FARS2: variants seen among roughly 807,000 people sequenced by gnomAD.
The protein encoded by FARS2 is phenylalanyl-tRNA synthetase 2, mitochondrial.
FARS2 carries 40 observed loss-of-function variants against 46.4 expected under a neutral mutation model. The observed-to-expected ratio is 0.86, with a 90% CI of 0.67 to 1.12. The LOEUF (loss-of-function observed/expected upper bound fraction) is 1.12. Ranked by LOEUF, FARS2 falls within the 50% of genes most tolerant of loss-of-function variation. The probability of loss-of-function intolerance (pLI) is 0.00; values close to 1 mark genes in which losing one functional copy is unlikely to be tolerated. For missense variants in FARS2, 513 were observed against 567.9 expected, an observed-to-expected ratio of 0.90 and a Z score of 0.98; for synonymous variants, 234 against 214.9, an observed-to-expected ratio of 1.09 and a Z score of -0.78.
intron 2 of FARS2, among the ~76,000 whole-genome samples, chr6:5,403,338 G>C (rs1471475307): frequency 6.6e-6 from 1 of 152,004 alleles, no homozygotes; most frequent in Non-Finnish European, 1.5e-5. Flanking sequence ...ATCCTCATCA[G>C]GGGGATGAGT....
chr6:5,492,852 C>T (rs1231719202), intron 4 of FARS2, among the ~76,000 whole-genome samples: 1 of 122,212 alleles, frequency 8.2e-6, no homozygotes, highest in East Asian at 2.0e-4. Flanking sequence ...GTGTATATAG[C>T]CTTACACTCT....
intron 1 of FARS2, among the ~76,000 whole-genome samples, chr6:5,309,122 A>G (rs964300189): frequency 1.3e-5 from 2 of 152,176 alleles, no homozygotes; most frequent in Non-Finnish European, 2.9e-5. Flanking sequence ...ATACCAGACA[A>G]TGTGCTGTGT....
intron 6 of FARS2, among the ~76,000 whole-genome samples, chr6:5,759,601 C>G (rs978923031): frequency 6.6e-6 from 1 of 152,120 alleles, no homozygotes; most frequent in Non-Finnish European, 1.5e-5. Flanking sequence ...CTTCCAGGGT[C>G]CCTTTCGACT....
chr6:5,675,929 C>T (rs1582734573), intron 6 of FARS2, among the ~76,000 whole-genome samples: 1 of 152,200 alleles, frequency 6.6e-6, no homozygotes, highest in African/African-American at 2.4e-5. Context: ...ATAATCATGG[C>T]ATATGCTGCA....
At chr6:5,654,096 T>A (rs1162864012) in intron 6 of FARS2, among the ~76,000 whole-genome samples, 1 of 152,196 alleles carries the variant, frequency 6.6e-6, no homozygotes. Context: ...GCTTCTGCCC[T>A]GACCCTTTGA....
chr6:5,368,885 T>A lies in FARS2; in HGVS notation c.315T>A (p.Phe105Leu). 6.2e-7 allele frequency: 1 copy of A among 1,614,128 alleles called. No individual in the cohort carries two copies. The highest frequency in any genetic ancestry group is 8.5e-7 in the Non-Finnish European group (1 of 1,180,030). Residue 105 changes from phenylalanine to leucine, a missense_variant, in exon 2 of 7, where the codon TTT (phenylalanine) becomes TTA (leucine). Phe to Leu is a conservative substitution (Grantham distance 22). Coordinates refer to ENST00000274680, the MANE Select transcript of FARS2 (RefSeq NM_006567.5). ...TCTACAAGCAGTATGTGGGCCGCTT[T>A]GGGACCCCGTTGTTCTCGGTCTACG... ...EHFYKQYVGRFGTPLFSVYDN... is the reference protein window; with the variant it reads ...EHFYKQYVGRLGTPLFSVYDN...
rs377162394 is a variant in FARS2 at position 5,664,303 on chromosome 6, C to T, written c.1217+50983C>T. On this transcript the variant is annotated intron_variant, in intron 6 of 6. Transcript: ENST00000274680. ...TCCAAGTGGCTGAGAATCAAGTGGA[C>T]CCCCTTGACTCATTTCCACTTAGAA... is the stretch of plus-strand genomic sequence containing the variant. 8.5e-5 allele frequency among the ~76,000 whole-genome samples: 13 copies of T among 152,278 alleles called. No individual in the cohort carries two copies. In the East Asian group the frequency reaches 1.7e-3, roughly 20 times the overall value.
intron 5 of FARS2, among the ~76,000 whole-genome samples, chr6:5,607,433 T>C (rs749929303): frequency 3.0e-4 from 46 of 151,716 alleles, no homozygotes; most frequent in Middle Eastern, 3.2e-3. Context: ...AAGGAGAAAA[T>C]TTATGAAAAG....
chr6:5,507,011 T>C (rs912165928), intron 4 of FARS2, among the ~76,000 whole-genome samples: 2 of 152,222 alleles, frequency 1.3e-5, no homozygotes, highest in African/African-American at 2.4e-5. Flanking sequence ...TTTGCACATT[T>C]GAGTGCATGC....
chr6:5,312,401 T>G (rs899103006), intron 1 of FARS2, among the ~76,000 whole-genome samples: 3 of 152,172 alleles, frequency 2.0e-5, no homozygotes, highest in Non-Finnish European at 4.4e-5. Context: ...GTAGACTGAA[T>G]TTTCTTTATT....
intron 1 of FARS2, among the ~76,000 whole-genome samples, chr6:5,340,234 T>C (rs1771460865): frequency 6.6e-6 from 1 of 152,226 alleles, no homozygotes; most frequent in Admixed American, 6.5e-5. Context: ...TGAGATGTTT[T>C]TCCACATGGC....
At chr6:5,336,217 C>A (rs1192314330) in intron 1 of FARS2, among the ~76,000 whole-genome samples, 1 of 151,428 alleles carries the variant, frequency 6.6e-6, no homozygotes, top group Non-Finnish European at 1.5e-5. Context: ...GTAAGATTGG[C>A]TTTTGGTAAA....
chr6:5,376,911 A>T (rs959475673), intron 2 of FARS2, among the ~76,000 whole-genome samples: 2 of 152,220 alleles, frequency 1.3e-5, no homozygotes, highest in Non-Finnish European at 2.9e-5. Context: ...AAACACAAAA[A>T]TCAAGGTCGT....
Position 5,431,984 on chromosome 6 carries a change from A to G in FARS2, c.904+812A>G, listed in dbSNP as rs541458440. 5.3e-4 allele frequency among the ~76,000 whole-genome samples: 81 copies of G among 151,464 alleles called. No homozygotes were observed. In the South Asian group the frequency reaches 0.017, roughly 31 times the overall value. On this transcript the variant is annotated intron_variant, in intron 4 of 6. Coordinates refer to ENST00000274680, the MANE Select transcript of FARS2 (RefSeq NM_006567.5). ...TGAATGTAATACTTTTTTGAAAGTTACTATCTGAATTTAATTAAAAAATTT... is the reference window on the plus strand; with the variant it reads ...TGAATGTAATACTTTTTTGAAAGTTGCTATCTGAATTTAATTAAAAAATTT...
intron 1 of FARS2, among the ~76,000 whole-genome samples, chr6:5,325,139 C>G (rs889068575): frequency 2.0e-5 from 3 of 152,172 alleles, no homozygotes; most frequent in African/African-American, 7.2e-5. Context: ...TCCACAGATG[C>G]ACGGCAGAGC....
chr6:5,661,756 G>C (rs952882186), intron 6 of FARS2, among the ~76,000 whole-genome samples: 1 of 152,192 alleles, frequency 6.6e-6, no homozygotes, highest in Non-Finnish European at 1.5e-5. Context: ...AGAAGAAATG[G>C]AGACAGTAAG....
At chr6:5,455,944 C>T (rs954937900) in intron 4 of FARS2, among the ~76,000 whole-genome samples, 6 of 152,226 alleles carry the variant, frequency 3.9e-5, no homozygotes, top group East Asian at 3.8e-4. Context: ...AGGCTGGGCG[C>T]GGTAGCTTAT....
chr6:5,385,150 G>T (rs1037595176), intron 2 of FARS2, among the ~76,000 whole-genome samples: 1 of 152,120 alleles, frequency 6.6e-6, no homozygotes, highest in East Asian at 1.9e-4. Flanking sequence ...AAGTCTTCCC[G>T]AATGATGAGC....
chr6:5,311,151 T>C lies in FARS2; in HGVS notation c.-22+49491T>C, dbSNP rs1769055536. On this transcript the variant is annotated intron_variant, in intron 1 of 6. Coordinates refer to ENST00000274680, the MANE Select transcript of FARS2 (RefSeq NM_006567.5). This position sits in a 1 kb window ranked among gnomAD's most constrained non-coding sequence, Gnocchi z 4.1. ...TGCATCCAGGTGATGATATGGTTTG[T>C]AGTTGTTGCGAGTGAAGAGGATTTG... Among the ~76,000 whole-genome samples, 1 of 152,224 alleles carries C rather than the reference T, an allele frequency of 6.6e-6. No homozygotes were observed. The highest frequency in any genetic ancestry group is 2.4e-5 in the African/African-American group (1 of 41,454).
Sources: allele counts gnomAD v4.1 joint callset (sites outside exome capture counted in the v4.1 genomes callset), GRCh38; gene constraint gnomAD v4.1.1; non-coding constraint Gnocchi (gnomAD v3.1); transcripts MANE v1.5; gene names NCBI Gene and HGNC (gene_info 2026-07-23, HGNC 2026-07-21).